The following KIAA1217 variants were observed in gnomAD, a reference collection of about 807,000 sequenced individuals.
KIAA1217 encodes sickle tail protein homolog.
Under a neutral mutation model 163.9 loss-of-function variants are expected in KIAA1217, and 88 were observed. That is an observed-to-expected ratio of 0.54 (90% CI 0.45 to 0.64). The LOEUF (loss-of-function observed/expected upper bound fraction) is 0.64, where lower values mean the gene tolerates loss of function less well. Among genes scored for constraint, KIAA1217 ranks in the 30% least tolerant of loss-of-function variants. The probability of loss-of-function intolerance (pLI) is 0.00; values close to 1 mark genes in which losing one functional copy is unlikely to be tolerated. For synonymous variants in KIAA1217, 903 were observed against 923.1 expected, an observed-to-expected ratio of 0.98 and a Z score of 0.39; for missense variants, 2,372 against 2,475.0, an observed-to-expected ratio of 0.96 and a Z score of 0.88.
At chr10:24,419,467 A>G (rs2058554856) in intron 3 of KIAA1217, among the ~76,000 whole-genome samples, 1 of 152,208 alleles carries the variant, frequency 6.6e-6, no homozygotes, top group East Asian at 1.9e-4. Flanking sequence ...ACAGTGGTGA[A>G]GACAATTAGC....
intron 2 of KIAA1217, among the ~76,000 whole-genome samples, chr10:24,281,887 C>T (rs1452159762): frequency 6.6e-6 from 1 of 152,118 alleles, no homozygotes; most frequent in Non-Finnish European, 1.5e-5. Flanking sequence ...GAAATCCCAT[C>T]TCTACTAAAA....
Position 24,438,479 on chromosome 10 carries a change from G to A in KIAA1217, c.846G>A (p.Arg282=), listed in dbSNP as rs746029597. The change falls in exon 5 of 21, where the codon AGG becomes AGA. Residue 282 remains arginine (R), a splice_region_variant and synonymous_variant. Coordinates refer to ENST00000376454, the MANE Select transcript of KIAA1217 (RefSeq NM_019590.5). Reference sequence around the variant, plus strand: ...CAAAAACTATGAATGGAGACATGAGGGTAAGTGTTTCTGTCATATTTTTAC... The same window carrying A: ...CAAAAACTATGAATGGAGACATGAGAGTAAGTGTTTCTGTCATATTTTTAC... ...HTPKTMNGDM[R]MQRELVYARG... 1.3e-6 allele frequency: 2 copies of A among 1,599,918 alleles called. No individual in the cohort carries two copies. Among genetic ancestry groups the A allele is most frequent in the Admixed American group, 1.7e-5 (1 of 59,996 alleles).
At position 24,418,498 on chromosome 10, in the gene KIAA1217, C is replaced by T. The variant is rs952353085; in HGVS notation, c.554-14497C>T. ...CACATTGATGCTTTTTAAATCTACA[C>T]GCAAATTACATAAAAAATAGCACTT... On this transcript the variant is annotated intron_variant, in intron 3 of 20. Coordinates refer to ENST00000376454, the MANE Select transcript of KIAA1217 (RefSeq NM_019590.5). 7.9e-5 allele frequency among the ~76,000 whole-genome samples: 12 copies of T among 152,118 alleles called. No homozygotes were observed. In the South Asian group the frequency reaches 1.2e-3, roughly 16 times the overall value.
intron 13 of KIAA1217, among the ~76,000 whole-genome samples, chr10:24,527,297 A>G (rs1280739788): frequency 6.7e-6 from 1 of 148,730 alleles, no homozygotes; most frequent in Non-Finnish European, 1.5e-5. Context: ...TACAATGAAA[A>G]CTCAATTTAA....
chr10:24,459,330 A>AAT (rs2132538415), intron 5 of KIAA1217, among the ~76,000 whole-genome samples: 1 of 152,296 alleles, frequency 6.6e-6, no homozygotes, highest in Non-Finnish European at 1.5e-5. Context: ...TCCCCACCAT[A>AAT]AGAACCTCAT....
chr10:23,882,164 A>G lies in KIAA1217; in HGVS notation c.-320-125061A>G, dbSNP rs1430092357. Among the ~76,000 whole-genome samples, 3 of 152,002 alleles carry G rather than the reference A, an allele frequency of 2.0e-5. No homozygotes were observed. The East Asian group carries it at 5.8e-4, about 29-fold the overall frequency. On this transcript the variant is annotated intron_variant, in intron 1 of 18. Coordinates refer to the KIAA1217 transcript ENST00000376462. ...AATTTTGAGGTTTTATTTCTGTAAA[A>G]TAATCTATACCAAATACACTATCAC...
rs571528469 is a variant in KIAA1217, at chr10:23,774,484, C to A, written c.-321+79250C>A. Among the ~76,000 whole-genome samples, 51 of 152,288 alleles carry A rather than the reference C, an allele frequency of 3.3e-4. No individual in the cohort carries two copies. In the South Asian group the frequency reaches 4.6e-3, roughly 14 times the overall value. Reference sequence around the variant, plus strand: ...TCCCTTATGACCCAGGGGCTTGGCGCCCTAGAATGCCCTGCAGGATGACCT... The same window carrying A: ...TCCCTTATGACCCAGGGGCTTGGCGACCTAGAATGCCCTGCAGGATGACCT... On this transcript the variant is annotated intron_variant, in intron 1 of 18. Coordinates refer to the KIAA1217 transcript ENST00000376462.
At chr10:24,085,107 C>T (rs1363811182) in intron 2 of KIAA1217, among the ~76,000 whole-genome samples, 5 of 151,636 alleles carry the variant, frequency 3.3e-5, no homozygotes, top group Admixed American at 2.6e-4. Context: ...GTAGAGACGG[C>T]GTTTCACCGT....
intron 2 of KIAA1217, among the ~76,000 whole-genome samples, chr10:24,185,121 T>C (rs1231219013): frequency 6.6e-6 from 1 of 152,188 alleles, no homozygotes; most frequent in East Asian, 1.9e-4. Context: ...CAATCTCTCA[T>C]CTAGAAGGGA....
chr10:24,503,680 T>C (rs1278882609), intron 9 of KIAA1217, among the ~76,000 whole-genome samples: 2 of 152,218 alleles, frequency 1.3e-5, no homozygotes, highest in Non-Finnish European at 2.9e-5. Context: ...TTAAAAATGT[T>C]GGAAAGTAAT....
chr10:24,121,490 A>G (rs1341158555), intron 2 of KIAA1217, among the ~76,000 whole-genome samples: 1 of 152,186 alleles, frequency 6.6e-6, no homozygotes, highest in Non-Finnish European at 1.5e-5. Context: ...GTTGAACTAG[A>G]TTGTCACTGG....
chr10:24,209,601 C>T (rs1377879602), intron 1 of KIAA1217, among the ~76,000 whole-genome samples: 2 of 152,166 alleles, frequency 1.3e-5, no homozygotes, highest in Non-Finnish European at 2.9e-5. Context: ...GCTCCAGCCA[C>T]GGGAGAAAGG....
At chr10:23,819,784 C>T (rs1339379714) in intron 1 of KIAA1217, among the ~76,000 whole-genome samples, 5 of 152,078 alleles carry the variant, frequency 3.3e-5, no homozygotes, top group Non-Finnish European at 7.4e-5. Context: ...CCTTTATATG[C>T]TATATGGAGC....
At chr10:24,483,019 C>CA (rs397846909) in intron 6 of KIAA1217, 14,703 of 95,386 alleles carry the variant, frequency 0.15, 909 homozygotes, top group East Asian at 0.18. Context: ...GATCCTGTCT[C>CA]AAAAAAAAAA....
intron 2 of KIAA1217, among the ~76,000 whole-genome samples, chr10:24,365,710 T>G (rs7909403): frequency 0.02 from 3,016 of 152,278 alleles, 88 homozygotes; most frequent in African/African-American, 0.067. Flanking sequence ...ATTTATTTAT[T>G]TATTTTTTTA....
chr10:24,215,189 G>T (rs60997918), intron 1 of KIAA1217, among the ~76,000 whole-genome samples: 2,195 of 152,238 alleles, frequency 0.014, 58 homozygotes, highest in African/African-American at 0.05. Flanking sequence ...CACTTCTCCA[G>T]GGAATGTTCC....
At chr10:24,176,458 G>C (rs1459819725) in intron 2 of KIAA1217, among the ~76,000 whole-genome samples, 1 of 148,644 alleles carries the variant, frequency 6.7e-6, no homozygotes, top group Non-Finnish European at 1.5e-5. Context: ...AGCTAGACAT[G>C]AAAGTTCTCC....
intron 2 of KIAA1217, among the ~76,000 whole-genome samples, chr10:24,121,808 A>G (rs2063291493): frequency 6.6e-6 from 1 of 151,932 alleles, no homozygotes; most frequent in Admixed American, 6.6e-5. Context: ...TTGTTTTTCT[A>G]TTGTTTCTAA....
chr10:23,809,672 A>G (rs148645554), intron 1 of KIAA1217, among the ~76,000 whole-genome samples: 66 of 152,182 alleles, frequency 4.3e-4, no homozygotes, highest in Middle Eastern at 3.4e-3. Context: ...GTGTCACTAA[A>G]ATGAAGTTCA....
Sources: gnomAD v4.1 joint callset for allele counts (sites outside exome capture counted in the v4.1 genomes callset) on GRCh38, gnomAD v4.1.1 for gene constraint, MANE v1.5 for transcripts, NCBI Gene and HGNC (gene_info 2026-07-23, HGNC 2026-07-21) for gene names.